ADGRB3: variants seen among roughly 807,000 people sequenced by gnomAD.
ADGRB3 encodes brain-specific angiogenesis inhibitor 3.
In ADGRB3, 37 loss-of-function variants were observed where a neutral mutation model predicts 193.4. The observed-to-expected ratio is 0.19, with a 90% CI of 0.15 to 0.25. The LOEUF (loss-of-function observed/expected upper bound fraction) is 0.25. ADGRB3 is among the 10% of genes least tolerant of loss of function. The pLI, the probability that ADGRB3 is intolerant of heterozygous loss-of-function variation, is 1.00. For missense variants in ADGRB3, 1,637 were observed against 1,852.9 expected, an observed-to-expected ratio of 0.88 and a Z score of 2.14; for synonymous variants, 690 against 644.2, an observed-to-expected ratio of 1.07 and a Z score of -1.08.
intron 3 of ADGRB3, among the ~76,000 whole-genome samples, chr6:68,822,976 CAT>C (rs777857383): frequency 2.6e-5 from 4 of 151,882 alleles, no homozygotes; most frequent in Non-Finnish European, 5.9e-5. Context: ...CAGAAATAAA[CAT>C]AAAGCACAAG....
At chr6:68,819,873 A>T (rs1014068959) in intron 3 of ADGRB3, among the ~76,000 whole-genome samples, 1 of 152,042 alleles carries the variant, frequency 6.6e-6, no homozygotes, top group Non-Finnish European at 1.5e-5. Flanking sequence ...TGATTTTTTT[A>T]AAAGTTACAT....
chr6:68,639,488 TA>T, intron 3 of ADGRB3, 56 bp downstream of exon 3: 1 of 1,486,036 alleles, frequency 6.7e-7, no homozygotes, highest in Non-Finnish European at 8.9e-7. Flanking sequence ...GGGATGGAGT[TA>T]AAACGTGCTG....
At chr6:69,086,730 A>G (rs547510142) in intron 17 of ADGRB3, among the ~76,000 whole-genome samples, 2 of 152,258 alleles carry the variant, frequency 1.3e-5, no homozygotes, top group Non-Finnish European at 2.9e-5. Context: ...TATTTAAAGA[A>G]ATAACATTGG....
intron 3 of ADGRB3, among the ~76,000 whole-genome samples, chr6:68,755,531 T>A (rs941596805): frequency 2.0e-5 from 3 of 152,058 alleles, no homozygotes; most frequent in Admixed American, 6.6e-5. Context: ...CTGTCGAGAA[T>A]GAAGTTGACA....
chr6:69,012,905 T>C (rs1769978645), intron 11 of ADGRB3, among the ~76,000 whole-genome samples: 2 of 152,082 alleles, frequency 1.3e-5, no homozygotes, highest in South Asian at 4.1e-4. Context: ...ATTTCTGCCC[T>C]CAAGGGAGTC....
chr6:68,722,793 A>G (rs1765607249), intron 3 of ADGRB3, among the ~76,000 whole-genome samples: 1 of 151,598 alleles, frequency 6.6e-6, no homozygotes, highest in East Asian at 1.9e-4. Context: ...TTTTTCCTAA[A>G]GGATATTTTA....
At chr6:69,177,016 CTCTT>C (rs1378068561) in intron 17 of ADGRB3, among the ~76,000 whole-genome samples, 1 of 152,106 alleles carries the variant, frequency 6.6e-6, no homozygotes, top group Non-Finnish European at 1.5e-5. Flanking sequence ...TAGATATTCT[CTCTT>C]TCTTTCTAAC....
chr6:69,053,189 A>T (rs1771448976), intron 15 of ADGRB3, among the ~76,000 whole-genome samples: 1 of 152,168 alleles, frequency 6.6e-6, no homozygotes, highest in Non-Finnish European at 1.5e-5. Context: ...TCCATAAAAA[A>T]AAATGTATAG....
chr6:69,171,807 A>G (rs1775277934), intron 17 of ADGRB3, among the ~76,000 whole-genome samples: 1 of 152,186 alleles, frequency 6.6e-6, no homozygotes, highest in Non-Finnish European at 1.5e-5. Flanking sequence ...CTAACTAACC[A>G]TATATCCTGT....
At chr6:68,649,214 T>A (rs1026226472) in intron 3 of ADGRB3, among the ~76,000 whole-genome samples, 17 of 152,164 alleles carry the variant, frequency 1.1e-4, no homozygotes, top group Non-Finnish European at 2.2e-4. Context: ...ATATTCAGAC[T>A]TATAAAGATC....
intron 3 of ADGRB3, among the ~76,000 whole-genome samples, chr6:68,876,519 G>A (rs1362731058): frequency 6.6e-6 from 1 of 152,180 alleles, no homozygotes; most frequent in African/African-American, 2.4e-5. Context: ...CAGCAAAAAG[G>A]ATTGCTAGAT....
chr6:69,325,108 GGC>G, intron 21 of ADGRB3, 86 bp downstream of exon 21: 10 of 1,433,510 alleles, frequency 7.0e-6, no homozygotes, highest in Non-Finnish European at 9.4e-6. Context: ...ATTAGACACA[GGC>G]TACTTTGTGT....
rs188249620 is a variant in ADGRB3 at position 68,957,086 on chromosome 6, A to G, written c.1525+277A>G. Reference sequence around the variant, plus strand: ...AGACATAAGAAATGAATGAGAAGATAAAGAAGTGTCGCTGACATTCAGATG... The same window carrying G: ...AGACATAAGAAATGAATGAGAAGATGAAGAAGTGTCGCTGACATTCAGATG... On this transcript the variant is annotated intron_variant, in intron 8 of 31. Coordinates refer to ENST00000370598, the MANE Select transcript of ADGRB3 (RefSeq NM_001704.3). Among the ~76,000 whole-genome samples the G allele has an allele frequency of 2.6e-5, 4 of 152,354 alleles. No homozygotes were observed. In the East Asian group the frequency reaches 7.7e-4, roughly 29 times the overall value.
At chr6:69,144,512 T>C (rs1406922717) in intron 17 of ADGRB3, among the ~76,000 whole-genome samples, 1 of 152,206 alleles carries the variant, frequency 6.6e-6, no homozygotes, top group Admixed American at 6.5e-5. Flanking sequence ...GGCTTTTGGC[T>C]TTTCCCCATT....
intron 17 of ADGRB3, among the ~76,000 whole-genome samples, chr6:69,174,843 G>A (rs762120520): frequency 6.6e-6 from 1 of 152,128 alleles, no homozygotes; most frequent in Non-Finnish European, 1.5e-5. Flanking sequence ...TTGATTTGCA[G>A]CTCTCTGTTC....
intron 17 of ADGRB3, among the ~76,000 whole-genome samples, chr6:69,188,798 G>A (rs1765119434): frequency 6.6e-6 from 1 of 152,022 alleles, no homozygotes. Flanking sequence ...TGTTTGGAAT[G>A]TGCACTCTGG....
At chr6:69,342,106 A>G (rs996300520) in intron 26 of ADGRB3, among the ~76,000 whole-genome samples, 5 of 152,164 alleles carry the variant, frequency 3.3e-5, no homozygotes, top group African/African-American at 1.2e-4. Flanking sequence ...TAATTGGACT[A>G]TTAACTGTCA....
chr6:68,652,139 C>T (rs1299683525), intron 3 of ADGRB3, among the ~76,000 whole-genome samples: 1 of 152,104 alleles, frequency 6.6e-6, no homozygotes, highest in African/African-American at 2.4e-5. Flanking sequence ...CTCTATGGTG[C>T]TTCTCAGGTA....
At chr6:68,954,537 A>G (rs1164934593) in intron 6 of ADGRB3, among the ~76,000 whole-genome samples, 3 of 151,988 alleles carry the variant, frequency 2.0e-5, no homozygotes, top group Admixed American at 1.3e-4. Context: ...GTTCCTAGTA[A>G]CTTTCTAATC....
Sources: allele counts gnomAD v4.1 joint callset (sites outside exome capture counted in the v4.1 genomes callset), GRCh38; gene constraint gnomAD v4.1.1; transcripts MANE v1.5; gene names NCBI Gene and HGNC (gene_info 2026-07-23, HGNC 2026-07-21).